The following ABCD2 variants were observed in gnomAD, a reference collection of about 807,000 sequenced individuals.
ABCD2 encodes ATP-binding cassette sub-family D member 2.
In ABCD2, 36 loss-of-function variants were observed where a neutral mutation model predicts 70.9. That is an observed-to-expected ratio of 0.51 (90% CI 0.39 to 0.67). The LOEUF is 0.67. Ranked by LOEUF, ABCD2 falls within the 30% of genes least tolerant of loss-of-function variation. The pLI is 0.00. For missense variants in ABCD2, 729 were observed against 890.2 expected, an observed-to-expected ratio of 0.82 and a Z score of 2.30; for synonymous variants, 304 against 306.9, an observed-to-expected ratio of 0.99 and a Z score of 0.10.
intron 9 of ABCD2, among the ~76,000 whole-genome samples, chr12:39,565,426 T>C (rs529198752): frequency 6.6e-6 from 1 of 152,336 alleles, no homozygotes; most frequent in Admixed American, 6.5e-5. Context: ...TTTGGCTCTC[T>C]GTTTGTCTGT....
chr12:39,599,549 T>TGAAA (rs1941867537), intron 6 of ABCD2, among the ~76,000 whole-genome samples: 1 of 152,200 alleles, frequency 6.6e-6, no homozygotes, highest in East Asian at 1.9e-4. Flanking sequence ...ATGTCCAGCA[T>TGAAA]TTTCAGCCAA....
intron 9 of ABCD2, among the ~76,000 whole-genome samples, chr12:39,554,971 T>C (rs1376461315): frequency 6.6e-6 from 1 of 152,192 alleles, no homozygotes; most frequent in Non-Finnish European, 1.5e-5. Context: ...CCTTTTAAGA[T>C]CTGGTCTGTC....
chr12:39,579,303 A>C (rs979098711), intron 8 of ABCD2, among the ~76,000 whole-genome samples: 2 of 152,252 alleles, frequency 1.3e-5, no homozygotes, highest in African/African-American at 4.8e-5. Context: ...CGGAGGTTGC[A>C]GTGAGCCAAG....
At chr12:39,613,942 G>A (rs1942081475) in intron 2 of ABCD2, among the ~76,000 whole-genome samples, 1 of 152,084 alleles carries the variant, frequency 6.6e-6, no homozygotes, top group Non-Finnish European at 1.5e-5. Flanking sequence ...AATTATGCGG[G>A]TTCTTCCTTT....
chr12:39,557,718 C>A (rs111786037), intron 9 of ABCD2, among the ~76,000 whole-genome samples: 1 of 152,068 alleles, frequency 6.6e-6, no homozygotes, highest in Non-Finnish European at 1.5e-5. Context: ...TAAAATGGGC[C>A]AAGGTACAGC....
chr12:39,599,523 A>G (rs1010924652), intron 6 of ABCD2, among the ~76,000 whole-genome samples: 1 of 152,190 alleles, frequency 6.6e-6, no homozygotes, highest in Non-Finnish European at 1.5e-5. Context: ...AAACACAAAT[A>G]TCTATGTCAT....
In ABCD2 at chr12:39,586,684, T is replaced by C. The variant is rs141153216; in HGVS notation, c.1647-387A>G. Among the ~76,000 whole-genome samples, 1,259 of 152,266 alleles carry C rather than the reference T, an allele frequency of 8.3e-3. 13 individuals carry two copies. Among genetic ancestry groups the C allele is most frequent in the Middle Eastern group, 0.048 (14 of 294 alleles). On this transcript the variant is annotated intron_variant, in intron 6 of 9. Coordinates refer to ENST00000308666, the MANE Select transcript of ABCD2 (RefSeq NM_005164.4). ...GCACTGGGATTACAGTTGTGAGCCA[T>C]AGAACCCAGCCACATTTAACATTTT... is the stretch of plus-strand genomic sequence containing the variant.
At chr12:39,604,342 T>C (rs12227668) in intron 4 of ABCD2, among the ~76,000 whole-genome samples, 18,647 of 151,642 alleles carry the variant, frequency 0.12, 1,179 homozygotes, top group Middle Eastern at 0.16. Flanking sequence ...ACATATCCTA[T>C]AGAAAAAAAA....
intron 9 of ABCD2, 110 bp from the exon 10 acceptor site, chr12:39,554,241 A>G (rs1202221696): frequency 9.7e-7 from 1 of 1,034,092 alleles, no homozygotes; most frequent in African/African-American, 1.6e-5. Context: ...AGTAGGTGCT[A>G]TTTTACATTT....
At chr12:39,554,856 C>G (rs537363006) in intron 9 of ABCD2, among the ~76,000 whole-genome samples, 1 of 152,240 alleles carries the variant, frequency 6.6e-6, no homozygotes, top group African/African-American at 2.4e-5. Flanking sequence ...AGAGCTGGTC[C>G]TGCATGGCTG....
Position 39,553,214 on chromosome 12 carries a change from T to C in ABCD2, c.*698A>G, listed in dbSNP as rs1941112813. ...ATTGTTTGGATACTCCTTTTCTGTA[T>C]TGGCAATTCTCTTTTTAAAATGAAA... On this transcript the variant is annotated 3_prime_UTR_variant, in exon 10 of 10. Transcript: ENST00000308666. The C allele has an allele frequency of 6.6e-6, 1 of 152,016 alleles. No individual in the cohort carries two copies. Among genetic ancestry groups the C allele is most frequent in the Non-Finnish European group, 1.5e-5 (1 of 67,902 alleles). The allele number at this position is 152,016 out of a possible 1,614,324, so 9.4% of individuals were successfully genotyped here. A position where few individuals can be genotyped will look rare whatever the true frequency, so the allele number is the denominator to read the frequency against.
chr12:39,597,322 A>C (rs1044298144), intron 6 of ABCD2, among the ~76,000 whole-genome samples: 4 of 152,164 alleles, frequency 2.6e-5, no homozygotes, highest in Non-Finnish European at 5.9e-5. Flanking sequence ...CATACTATAA[A>C]ATTTTGTTAG....
At chr12:39,606,981 A>G (rs1217592749) in intron 3 of ABCD2, among the ~76,000 whole-genome samples, 1 of 152,186 alleles carries the variant, frequency 6.6e-6, no homozygotes, top group African/African-American at 2.4e-5. Flanking sequence ...ATACACAGCT[A>G]TAATGTGGTA....
intron 6 of ABCD2, among the ~76,000 whole-genome samples, 188 bp downstream of exon 6, chr12:39,600,383 T>C (rs750693839): frequency 1.3e-5 from 2 of 152,160 alleles, no homozygotes; most frequent in Non-Finnish European, 2.9e-5. Flanking sequence ...AAAAAAGTGG[T>C]ATTGTCCTAC....
the ABCD2 span, among the ~76,000 whole-genome samples, chr12:39,538,987 C>G: frequency 6.6e-6 from 1 of 152,146 alleles, no homozygotes; most frequent in Admixed American, 6.5e-5. Context: ...GGCCTCAGCC[C>G]GCCTGCACCC....
the ABCD2 span, among the ~76,000 whole-genome samples, chr12:39,544,376 C>G: frequency 1.3e-5 from 2 of 152,022 alleles, no homozygotes; most frequent in Non-Finnish European, 2.9e-5. Context: ...CTACATGACT[C>G]GTAAACCATA....
intron 6 of ABCD2, among the ~76,000 whole-genome samples, chr12:39,598,043 T>C (rs1046677210): frequency 2.0e-5 from 3 of 152,200 alleles, no homozygotes; most frequent in Non-Finnish European, 2.9e-5. Context: ...TCGTGAAGAT[T>C]TGGTGAAAAA....
chr12:39,579,932 G>C (rs554045118), intron 7 of ABCD2, among the ~76,000 whole-genome samples: 3 of 152,048 alleles, frequency 2.0e-5, no homozygotes, highest in South Asian at 2.1e-4. Context: ...TATCTTGGAG[G>C]GAGATGGGAG....
the ABCD2 span, among the ~76,000 whole-genome samples, chr12:39,538,373 C>T: frequency 6.6e-6 from 1 of 152,038 alleles, no homozygotes; most frequent in South Asian, 2.1e-4. Flanking sequence ...TGGGGTTTCA[C>T]CATGTTGGCC....
Sources: allele counts gnomAD v4.1 joint callset (sites outside exome capture counted in the v4.1 genomes callset), GRCh38; gene constraint gnomAD v4.1.1; transcripts MANE v1.5; gene names NCBI Gene and HGNC (gene_info 2026-07-23, HGNC 2026-07-21).